Variants in MXRA8 observed in about 807,000 individuals in gnomAD.
MXRA8 encodes the protein matrix remodeling-associated protein 8.
A neutral mutation model predicts 51.4 loss-of-function variants in MXRA8; 44 were observed. The ratio of observed to expected loss-of-function variants is 0.86; its 90% CI spans 0.67 to 1.10. The LOEUF is 1.10. Ranked by LOEUF, MXRA8 falls within the 50% of genes least tolerant of loss-of-function variation. The pLI is 0.00. For missense variants in MXRA8, 765 were observed against 638.9 expected (o/e 1.20, Z -2.13); for synonymous variants, 369 against 293.5 (o/e 1.26, Z -2.63).
upstream of MXRA8, chr1:1,361,541 AGCCAGTGGCGGG>A (rs1472084755): frequency 1.9e-6 from 1 of 526,990 alleles, no homozygotes; most frequent in Non-Finnish European, 3.5e-6. Flanking sequence ...TTCCAGGCGC[AGCCAGTGGCGGG>A]GCTGCCAGGA....
chr1:1,357,439 C>T (rs1295094213), intron 1 of MXRA8, among the ~76,000 whole-genome samples: 2 of 152,108 alleles, frequency 1.3e-5, no homozygotes, highest in African/African-American at 2.4e-5. Flanking sequence ...ATGGACTGTG[C>T]AGCTGCACCA....
At chr1:1,362,354 C>T (rs1275868509), upstream of MXRA8, among the ~76,000 whole-genome samples, 1 of 152,228 alleles carries the variant, frequency 6.6e-6, no homozygotes, top group Non-Finnish European at 1.5e-5. Flanking sequence ...AATCATCTGC[C>T]TCCTCTCGAG....
chr1:1,359,265 C>G, upstream of MXRA8: 2 of 985,384 alleles, frequency 2.0e-6, no homozygotes, highest in Non-Finnish European at 2.4e-6. Context: ...TAGGGTGCAG[C>G]CTGGTGTCCC....
In MXRA8 at chr1:1,354,231, G is replaced by T. The variant is rs377335516; in HGVS notation, c.1107C>A (p.Gly369=). ...CCGACTTCTGGTCCGAGTATTCGTAGCCTGGGAAGGAGACTCACATTGGGG... is the reference window on the plus strand; with the variant it reads ...CCGACTTCTGGTCCGAGTATTCGTATCCTGGGAAGGAGACTCACATTGGGG... ...VLLAARRRRG[G]YEYSDQKSGK... Residue 369 remains glycine (G), a splice_region_variant and synonymous_variant, in exon 7 of 10, where the codon GGC becomes GGA. Coordinates refer to ENST00000309212, the MANE Select transcript of MXRA8 (RefSeq NM_032348.4). The T allele has an allele frequency of 6.2e-7, 1 of 1,612,256 alleles. No homozygotes were observed. Among genetic ancestry groups the T allele is most frequent in the East Asian group, 2.2e-5 (1 of 44,866 alleles).
Position 1,353,144 on chromosome 1 carries a change from A to C in MXRA8, c.*460T>G. On this transcript the variant is annotated 3_prime_UTR_variant, in exon 10 of 10. Coordinates refer to ENST00000309212, the MANE Select transcript of MXRA8 (RefSeq NM_032348.4). ...GGGACTCCTGCCGAGGCTGACCCCAACTTCAAGGCTGCCAAGTTCTGATGG... is the reference window on the plus strand; with the variant it reads ...GGGACTCCTGCCGAGGCTGACCCCACCTTCAAGGCTGCCAAGTTCTGATGG... The C allele has an allele frequency of 1.2e-6, 1 of 864,360 alleles. No homozygotes were observed. The allele number at this position is 864,360 out of a possible 1,614,324, so 53.5% of individuals were successfully genotyped here.
intron 8 of MXRA8, 49 bp from the exon 9 acceptor site, chr1:1,353,977 C>G: frequency 6.7e-7 from 1 of 1,493,666 alleles, no homozygotes; most frequent in Non-Finnish European, 8.9e-7. Context: ...ATGCACTTCC[C>G]AGCCCGGGAC....
upstream of MXRA8, among the ~76,000 whole-genome samples, chr1:1,362,436 A>G (rs1042434565): frequency 1.3e-5 from 2 of 151,986 alleles, no homozygotes; most frequent in Non-Finnish European, 1.5e-5. Context: ...TCGCCCCGGA[A>G]TCATGACCTT....
At chr1:1,358,744 G>C, upstream of MXRA8, 2 of 1,340,734 alleles carry the variant, frequency 1.5e-6, no homozygotes, top group Non-Finnish European at 1.9e-6. Context: ...GGTCAGGCCT[G>C]GGGAGGGGTG....
intron 9 of MXRA8, 84 bp downstream of exon 9, chr1:1,353,764 G>C (rs932060582): frequency 1.4e-6 from 2 of 1,478,554 alleles, no homozygotes; most frequent in African/African-American, 1.4e-5. Flanking sequence ...GGCCTGGCTG[G>C]TGCCTGCCAT....
chr1:1,353,688 G>T lies in MXRA8; in HGVS notation c.1304-59C>A, dbSNP rs1644051285. ...GTCCTCCACCCTCATCACAGTGGGA[G>T]ACACAGGGCAGACCCCCCCGCAGGA... is the stretch of plus-strand genomic sequence containing the variant. On this transcript the variant is annotated intron_variant, in intron 9 of 9. Coordinates refer to ENST00000309212, the MANE Select transcript of MXRA8 (RefSeq NM_032348.4). 2.0e-6 allele frequency: 3 copies of T among 1,528,404 alleles called. No homozygotes were observed. The Admixed American group carries it at 5.9e-5, about 30-fold the overall frequency. The allele number at this position is 1,528,404 out of a possible 1,614,324, so 94.7% of individuals were successfully genotyped here.
chr1:1,360,804 G>GAGCC (rs1443000842), upstream of MXRA8, among the ~76,000 whole-genome samples: 1 of 152,130 alleles, frequency 6.6e-6, no homozygotes. Context: ...CAGGCACTCA[G>GAGCC]AGCCACAAGC....
At position 1,352,896 on chromosome 1, in the gene MXRA8, C is replaced by T. The variant is rs2100792805; in HGVS notation, c.*708G>A. 1 of 303,204 alleles carries T rather than the reference C, an allele frequency of 3.3e-6. No individual in the cohort carries two copies. The highest frequency in any genetic ancestry group is 6.2e-6 in the Non-Finnish European group (1 of 160,500). The allele number at this position is 303,204 out of a possible 1,614,324, so 18.8% of individuals were successfully genotyped here. On this transcript the variant is annotated 3_prime_UTR_variant, in exon 10 of 10. Transcript: ENST00000309212. ...GGAGGGGTGTCAGGGTCAGAAGTCACAGGGAGCCCAGTGACTATCAAGGTG... is the reference window on the plus strand; with the variant it reads ...GGAGGGGTGTCAGGGTCAGAAGTCATAGGGAGCCCAGTGACTATCAAGGTG...
chr1:1,358,676 C>T (rs1392373506), upstream of MXRA8: 1 of 1,406,446 alleles, frequency 7.1e-7, no homozygotes, highest in Non-Finnish European at 9.3e-7. Flanking sequence ...TGGCCTCCCC[C>T]ATCGTTGCTG....
At chr1:1,356,746 C>T in intron 1 of MXRA8, 42 bp from the exon 2 acceptor site, 1 of 1,354,054 alleles carries the variant, frequency 7.4e-7, no homozygotes, top group Non-Finnish European at 9.6e-7. Flanking sequence ...CCCACAGCCC[C>T]ACCCAGCCCC....
Position 1,353,928 on chromosome 1 carries a change from T to A in MXRA8, c.1223A>T (p.Asp408Val), listed in dbSNP as rs775141716. The A allele has an allele frequency of 1.9e-6, 3 of 1,609,428 alleles. No individual in the cohort carries two copies. In the East Asian group the frequency reaches 6.7e-5, roughly 36 times the overall value. Residue 408 changes from aspartate to valine, a missense_variant and splice_region_variant, in exon 9 of 10, where the codon GAT becomes GTT. Asp to Val is a radical substitution (Grantham distance 152). Transcript: ENST00000309212. ...CTCCTTCAGGATGTTGTTTTTGTAATCTGTGGGAGGAGAGGAGGCTGAGGT... is the reference window on the plus strand; with the variant it reads ...CTCCTTCAGGATGTTGTTTTTGTAAACTGTGGGAGGAGAGGAGGCTGAGGT... ...MLYRSEDIQL[D>V]YKNNILKERA...
At position 1,353,043 on chromosome 1, in the gene MXRA8, ACAGAT is replaced by A. The variant is rs950672330; in HGVS notation, c.*556_*560del. ...TCAAGTCAGCAGGTCCCTGGGGAGAACAGATGGTGCCTGGAGTCCCACATGGTGGT... is the reference window on the plus strand; with the variant it reads ...TCAAGTCAGCAGGTCCCTGGGGAGAAGGTGCCTGGAGTCCCACATGGTGGT... On this transcript the variant is annotated 3_prime_UTR_variant, in exon 10 of 10. Transcript: ENST00000309212. 14 of 586,096 alleles carry A rather than the reference ACAGAT, an allele frequency of 2.4e-5. No individual in the cohort carries two copies. The highest frequency in any genetic ancestry group is 6.0e-6 in the Non-Finnish European group (2 of 331,150). The allele number at this position is 586,096 out of a possible 1,614,324, so 36.3% of individuals were successfully genotyped here. A position where few individuals can be genotyped will look rare whatever the true frequency, so the allele number is the denominator to read the frequency against.
At chr1:1,359,076 C>T (rs1454310313), upstream of MXRA8, 9 of 985,360 alleles carry the variant, frequency 9.1e-6, no homozygotes, top group African/African-American at 3.5e-5. Flanking sequence ...GTACCCGTCT[C>T]CTCTGGGGGC....
chr1:1,359,607 G>A (rs1423625170), upstream of MXRA8: 3 of 981,872 alleles, frequency 3.1e-6, no homozygotes, highest in Non-Finnish European at 3.6e-6. Flanking sequence ...CAGACAGTGG[G>A]AAGCCCAGTG....
At position 1,355,356 on chromosome 1, in the gene MXRA8, AG is replaced by A; in HGVS notation, c.377-12del. 6.4e-7 allele frequency: 1 copy of A among 1,569,998 alleles called. No individual in the cohort carries two copies. The highest frequency in any genetic ancestry group is 8.6e-7 in the Non-Finnish European group (1 of 1,162,582). ...CCGTCTCCTCCACCGCTGCGCACCC[AG>A]GAGGAAGCCGCGCGTGAGCCTTGCG... is the stretch of plus-strand genomic sequence containing the variant. On this transcript the variant is annotated splice_polypyrimidine_tract_variant and intron_variant, in intron 3 of 9. Transcript: ENST00000309212.
Sources: allele counts gnomAD v4.1 joint callset (sites outside exome capture counted in the v4.1 genomes callset), GRCh38; gene constraint gnomAD v4.1.1; transcripts MANE v1.5; gene names NCBI Gene and HGNC (gene_info 2026-07-23, HGNC 2026-07-21).